CELF2: variants seen among roughly 807,000 people sequenced by gnomAD.
The protein encoded by CELF2 is CUGBP Elav-like family member 2, also known as CUG triplet repeat RNA-binding protein 2.
A neutral mutation model predicts 62.6 loss-of-function variants in CELF2; 8 were observed. The ratio of observed to expected loss-of-function variants is 0.13; its 90% CI spans 0.07 to 0.23. The LOEUF (loss-of-function observed/expected upper bound fraction) is 0.23, where lower values mean the gene tolerates loss of function less well. Ranked by LOEUF, CELF2 falls within the 10% of genes least tolerant of loss-of-function variation. The pLI is 1.00. For missense variants in CELF2, 333 were observed against 671.0 expected (o/e 0.50, Z 5.56); for synonymous variants, 258 against 250.0 (o/e 1.03, Z -0.30).
chr10:10,655,406 A>G, the CELF2 span, among the ~76,000 whole-genome samples: 2 of 124,676 alleles, frequency 1.6e-5, no homozygotes, highest in East Asian at 4.0e-4. Flanking sequence ...AAGATCCCGC[A>G]TCGCCAAGTC....
chr10:10,675,204 T>C, the CELF2 span, among the ~76,000 whole-genome samples: 1 of 152,198 alleles, frequency 6.6e-6, no homozygotes, highest in Non-Finnish European at 1.5e-5. Flanking sequence ...TTTTTATTTT[T>C]CTAAGAAAGT....
the CELF2 span, among the ~76,000 whole-genome samples, chr10:10,610,802 T>G: frequency 1.3e-5 from 2 of 152,240 alleles, no homozygotes; most frequent in African/African-American, 4.8e-5. Context: ...TGGCTCATTG[T>G]CTCATTTTTA....
chr10:10,544,648 C>T, the CELF2 span, among the ~76,000 whole-genome samples: 2 of 152,200 alleles, frequency 1.3e-5, no homozygotes, highest in South Asian at 2.1e-4. Flanking sequence ...GATTAAGAAA[C>T]GAATAAGCCT....
chr10:10,826,022 A>T (rs139175873), intron 1 of CELF2, among the ~76,000 whole-genome samples: 79 of 152,348 alleles, frequency 5.2e-4, no homozygotes, highest in African/African-American at 1.8e-3. Context: ...TCCTTACAGC[A>T]GGACTAGGAA....
chr10:11,006,481 T>TA (rs1158877705), intron 1 of CELF2, among the ~76,000 whole-genome samples: 1 of 152,240 alleles, frequency 6.6e-6, no homozygotes, highest in Non-Finnish European at 1.5e-5. Flanking sequence ...AGAATGCTTG[T>TA]AATACCATTA....
At chr10:10,536,505 G>C in the CELF2 span, among the ~76,000 whole-genome samples, 1 of 152,184 alleles carries the variant, frequency 6.6e-6, no homozygotes, top group Admixed American at 6.5e-5. Flanking sequence ...GAGGAGAATT[G>C]AACGAATCTC....
Position 11,309,772 on chromosome 10 carries a change from A to G in CELF2, c.977-4367A>G, listed in dbSNP as rs993067544. ...CTTTCAGCTGGTCTACTTTGCCATC[A>G]TGGAGCTACTGCCTACTCTTAATTG... On this transcript the variant is annotated intron_variant, in intron 9 of 12. Transcript: ENST00000633077. This position sits in a 1 kb window ranked among gnomAD's most constrained non-coding sequence, Gnocchi z 5.6. Among the ~76,000 whole-genome samples the G allele has an allele frequency of 1.3e-5, 2 of 152,178 alleles. No individual in the cohort carries two copies. The highest frequency in any genetic ancestry group is 1.3e-4 in the Admixed American group (2 of 15,288).
At chr10:10,951,389 G>A (rs1266631428) in intron 2 of CELF2, among the ~76,000 whole-genome samples, 1 of 152,070 alleles carries the variant, frequency 6.6e-6, no homozygotes, top group Non-Finnish European at 1.5e-5. Context: ...CACCTGCTTT[G>A]GCCTCCTGGA....
At chr10:11,017,286 T>C (rs2057379926), upstream of CELF2, among the ~76,000 whole-genome samples, 1 of 152,246 alleles carries the variant, frequency 6.6e-6, no homozygotes, top group South Asian at 2.1e-4. The surrounding 1 kb of genome is among the most constrained non-coding windows in gnomAD (Gnocchi z 5.5). Context: ...TTCATGATTA[T>C]CGTTTGTGTA....
chr10:11,129,291 T>C (rs1303054700), intron 1 of CELF2, among the ~76,000 whole-genome samples: 3 of 152,266 alleles, frequency 2.0e-5, no homozygotes, highest in Non-Finnish European at 4.4e-5. Flanking sequence ...AGTATTTTAT[T>C]GAGAATTTTT....
intron 1 of CELF2, among the ~76,000 whole-genome samples, chr10:11,038,851 T>C (rs776747645): frequency 6.6e-6 from 1 of 152,192 alleles, no homozygotes; most frequent in African/African-American, 2.4e-5. Flanking sequence ...GTTATACTGA[T>C]TGGATTCATG....
upstream of CELF2, among the ~76,000 whole-genome samples, chr10:11,003,206 G>C (rs1050857477): frequency 6.6e-6 from 1 of 152,190 alleles, no homozygotes; most frequent in African/African-American, 2.4e-5. This position sits in a 1 kb window ranked among gnomAD's most constrained non-coding sequence, Gnocchi z 4.4. Context: ...TAAAAAGGAA[G>C]TGGAGAGAGT....
At chr10:10,941,553 A>G (rs1263408437) in intron 2 of CELF2, among the ~76,000 whole-genome samples, 1 of 152,234 alleles carries the variant, frequency 6.6e-6, no homozygotes, top group Non-Finnish European at 1.5e-5. Flanking sequence ...TCCTAGAGCC[A>G]CTTTGCATCT....
chr10:11,249,617 G>GT (rs551746434), intron 4 of CELF2, among the ~76,000 whole-genome samples: 130 of 152,044 alleles, frequency 8.6e-4, no homozygotes, highest in African/African-American at 3.1e-3. Flanking sequence ...GTTGGTTTTT[G>GT]TTTTTTTACC....
intron 2 of CELF2, among the ~76,000 whole-genome samples, chr10:10,978,024 G>GTTTTTTTTTTTTTTTTT (rs1310804718): frequency 7.0e-6 from 1 of 141,924 alleles, no homozygotes; most frequent in South Asian, 2.3e-4. Context: ...TTGGGTTTGG[G>GTTTTTTTTTTTTTTTTT]TTTTTTTTTG....
chr10:10,704,187 T>C, the CELF2 span, among the ~76,000 whole-genome samples: 2 of 152,210 alleles, frequency 1.3e-5, no homozygotes, highest in African/African-American at 2.4e-5. Flanking sequence ...ATTATCTTTA[T>C]GAAACAAGCG....
chr10:11,084,210 G>A (rs751040722), intron 1 of CELF2, among the ~76,000 whole-genome samples: 6 of 152,222 alleles, frequency 3.9e-5, no homozygotes, highest in Admixed American at 1.3e-4. Flanking sequence ...TGGAGTAATA[G>A]CTTTGTTGAT....
At chr10:10,852,261 A>G (rs2059428594) in intron 1 of CELF2, among the ~76,000 whole-genome samples, 1 of 152,230 alleles carries the variant, frequency 6.6e-6, no homozygotes, top group Non-Finnish European at 1.5e-5. Flanking sequence ...ACTACTCAGC[A>G]ACAAAGAAAC....
At position 11,224,794 on chromosome 10, in the gene CELF2, T is replaced by C. The variant is rs375395401; in HGVS notation, c.354+7287T>C. Among the ~76,000 whole-genome samples, 1 of 152,106 alleles carries C rather than the reference T, an allele frequency of 6.6e-6. No homozygotes were observed. Among genetic ancestry groups the C allele is most frequent in the African/African-American group, 2.4e-5 (1 of 41,406 alleles). ...CGCTCGTGAGTTCGGAGCCTGGAGC[T>C]TTAGGCCACACAAAAAGCATACAGC... On this transcript the variant is annotated intron_variant, in intron 3 of 12. Transcript: ENST00000633077. The surrounding 1 kb of genome is among the most constrained non-coding windows in gnomAD (Gnocchi z 4.5).
Sources: gnomAD v4.1 joint callset for allele counts (sites outside exome capture counted in the v4.1 genomes callset) on GRCh38, gnomAD v4.1.1 for gene constraint, Gnocchi (gnomAD v3.1) non-coding constraint, MANE v1.5 for transcripts, NCBI Gene and HGNC (gene_info 2026-07-23, HGNC 2026-07-21) for gene names.